RFTN1: variants seen among roughly 807,000 people sequenced by gnomAD.
The protein encoded by RFTN1 is raftlin.
A neutral mutation model predicts 46.5 loss-of-function variants in RFTN1; 26 were observed. The observed-to-expected ratio is 0.56, with a 90% confidence interval of 0.41 to 0.78. The LOEUF (loss-of-function observed/expected upper bound fraction) is 0.78. Ranked by LOEUF, RFTN1 falls within the 30% of genes least tolerant of loss-of-function variation. The probability of loss-of-function intolerance (pLI) is 0.00; values close to 1 mark genes in which losing one functional copy is unlikely to be tolerated. For missense variants in RFTN1, 693 were observed against 718.7 expected (o/e 0.96, Z 0.41); for synonymous variants, 261 against 284.2 (o/e 0.92, Z 0.82).
intron 1 of RFTN1, among the ~76,000 whole-genome samples, chr3:16,494,274 G>C (rs574110826): frequency 6.6e-6 from 1 of 152,142 alleles, no homozygotes; most frequent in Non-Finnish European, 1.5e-5. Flanking sequence ...TAAAAAACAA[G>C]AGATGTGTCA....
intron 4 of RFTN1, among the ~76,000 whole-genome samples, chr3:16,408,831 T>C (rs1363695657): frequency 6.6e-6 from 1 of 151,378 alleles, no homozygotes; most frequent in East Asian, 1.9e-4. Flanking sequence ...TCAGCCCCAA[T>C]TTGGGGCTAG....
intron 1 of RFTN1, among the ~76,000 whole-genome samples, chr3:16,510,923 A>G (rs977301730): frequency 6.6e-6 from 1 of 152,262 alleles, no homozygotes; most frequent in Non-Finnish European, 1.5e-5. Flanking sequence ...AGAATATACA[A>G]ACAAACTGTG....
intron 2 of RFTN1, among the ~76,000 whole-genome samples, chr3:16,485,526 G>A (rs1575358139): frequency 1.3e-5 from 2 of 152,230 alleles, no homozygotes; most frequent in Admixed American, 6.5e-5. Context: ...ATTAGGCTGA[G>A]TTAAAGAAGC....
chr3:16,474,819 C>T lies in RFTN1; in HGVS notation c.145+18906G>A, dbSNP rs2076255625. ...TTGGACTCTTTCGGGACAAAGAATA[C>T]AAGCTGCATCAGTTCTATTTCTTCC... On this transcript the variant is annotated intron_variant, in intron 2 of 9. Transcript: ENST00000334133. The surrounding 1 kb of genome is among the most constrained non-coding windows in gnomAD (Gnocchi z 5.5). Among the ~76,000 whole-genome samples, 4 of 152,212 alleles carry T rather than the reference C, an allele frequency of 2.6e-5. No individual in the cohort carries two copies. The South Asian group carries it at 8.3e-4, about 31-fold the overall frequency.
In RFTN1 at chr3:16,381,152, A is replaced by C. The variant is rs2073978777; in HGVS notation, c.442-3050T>G. 6.6e-6 allele frequency among the ~76,000 whole-genome samples: 1 copy of C among 152,232 alleles called. No homozygotes were observed. The highest frequency in any genetic ancestry group is 6.5e-5 in the Admixed American group (1 of 15,286). ...ATAAAAAGTCAAGATTCTAAACTTC[A>C]TACACTTTATTATGACAACTATGTA... is the stretch of plus-strand genomic sequence containing the variant. On this transcript the variant is annotated intron_variant, in intron 4 of 9. Transcript: ENST00000334133. This position sits in a 1 kb window ranked among gnomAD's most constrained non-coding sequence, Gnocchi z 4.2.
rs1222305511 is a variant in RFTN1 at position 16,440,619 on chromosome 3, G to C, written c.146-6582C>G. 6.6e-6 allele frequency among the ~76,000 whole-genome samples: 1 copy of C among 152,008 alleles called. No homozygotes were observed. Among genetic ancestry groups the C allele is most frequent in the Non-Finnish European group, 1.5e-5 (1 of 68,006 alleles). ...GGAAAATAAAGTAAACAAGAGACAT[G>C]AGCCAGGGGGACAGCAATGAACACC... On this transcript the variant is annotated intron_variant, in intron 2 of 9. Transcript: ENST00000334133. The surrounding 1 kb of genome is among the most constrained non-coding windows in gnomAD (Gnocchi z 4.6).
In RFTN1 at chr3:16,486,523, T is replaced by A. The variant is rs573691034; in HGVS notation, c.145+7202A>T. On this transcript the variant is annotated intron_variant, in intron 2 of 9. Coordinates refer to ENST00000334133, the MANE Select transcript of RFTN1 (RefSeq NM_015150.2). Reference sequence around the variant, plus strand: ...TTGATCCCTCCCACAAGTTGTCTCCTCTTCGTGAAAAGATTATCTGCTTCC... The same window carrying A: ...TTGATCCCTCCCACAAGTTGTCTCCACTTCGTGAAAAGATTATCTGCTTCC... Among the ~76,000 whole-genome samples the A allele has an allele frequency of 2.1e-3, 318 of 152,318 alleles. 2 individuals are homozygous for A. Among genetic ancestry groups the A allele is most frequent in the African/African-American group, 7.3e-3 (305 of 41,580 alleles).
chr3:16,506,699 G>A lies in RFTN1; in HGVS notation c.-9+6743C>T, dbSNP rs529942434. On this transcript the variant is annotated intron_variant, in intron 1 of 9. Transcript: ENST00000334133. The surrounding 1 kb of genome is among the most constrained non-coding windows in gnomAD (Gnocchi z 4.8). ...CCCAAGCAGAGGTATGCAGTAGGCC[G>A]CTGGATGTACCATTTCGAGTTCAGA... Among the ~76,000 whole-genome samples the A allele has an allele frequency of 4.6e-5, 7 of 151,912 alleles. No homozygotes were observed. The highest frequency in any genetic ancestry group is 5.9e-5 in the Non-Finnish European group (4 of 67,990).
rs1472249977 is a variant in RFTN1 at position 16,422,481 on chromosome 3, A to T, written c.332+11370T>A. Among the ~76,000 whole-genome samples, 2 of 152,006 alleles carry T rather than the reference A, an allele frequency of 1.3e-5. No homozygotes were observed. Among genetic ancestry groups the T allele is most frequent in the African/African-American group, 4.8e-5 (2 of 41,386 alleles). The stretch of plus-strand genomic sequence containing the variant: ...CCGTTTCTACTAAAAATACAAAAAA[A>T]TTAGCTGGGCGTGGTGGCACGTGCC... On this transcript the variant is annotated intron_variant, in intron 3 of 9. Transcript: ENST00000334133. This position sits in a 1 kb window ranked among gnomAD's most constrained non-coding sequence, Gnocchi z 4.6.
rs2075014820 is a variant in RFTN1 at position 16,413,592 on chromosome 3, G to T, written c.333-4109C>A. 6.6e-6 allele frequency among the ~76,000 whole-genome samples: 1 copy of T among 152,122 alleles called. No individual in the cohort carries two copies. The highest frequency in any genetic ancestry group is 1.5e-5 in the Non-Finnish European group (1 of 68,026). On this transcript the variant is annotated intron_variant, in intron 3 of 9. Coordinates refer to ENST00000334133, the MANE Select transcript of RFTN1 (RefSeq NM_015150.2). The surrounding 1 kb of genome is among the most constrained non-coding windows in gnomAD (Gnocchi z 4.7). ...ACTTTTGGAAAGGACAGAGAGATCTGGTTTTAAACAGTAAGAAAAAGAAAA... is the reference window on the plus strand; with the variant it reads ...ACTTTTGGAAAGGACAGAGAGATCTTGTTTTAAACAGTAAGAAAAAGAAAA...
intron 1 of RFTN1, among the ~76,000 whole-genome samples, chr3:16,508,657 C>T (rs1244756018): frequency 6.6e-6 from 1 of 151,352 alleles, no homozygotes; most frequent in Non-Finnish European, 1.5e-5. Flanking sequence ...AAACGTATGT[C>T]AAAAACTGAA....
chr3:16,344,267 G>GGA lies in RFTN1; in HGVS notation c.1146+13664_1146+13665insTC, dbSNP rs1275949045. 4.6e-5 allele frequency among the ~76,000 whole-genome samples: 7 copies of GGA among 151,966 alleles called. No homozygotes were observed. The highest frequency in any genetic ancestry group is 3.4e-3 in the Middle Eastern group (1 of 290). ...ATACTAAGAAGTAACAGATTGGAAGGGGTTTAAGAAGTCAGGGAAACCTAC... is the reference window on the plus strand; with the variant it reads ...ATACTAAGAAGTAACAGATTGGAAGGGAGGTTTAAGAAGTCAGGGAAACCTAC... On this transcript the variant is annotated intron_variant, in intron 7 of 9. Transcript: ENST00000334133. The surrounding 1 kb of genome is among the most constrained non-coding windows in gnomAD (Gnocchi z 4.4).
intron 2 of RFTN1, among the ~76,000 whole-genome samples, chr3:16,438,530 A>G (rs1055253302): frequency 9.9e-5 from 13 of 131,386 alleles, no homozygotes; most frequent in African/African-American, 3.4e-4. Flanking sequence ...GGTTGCAGTG[A>G]GCTGAAATCG....
rs2076250424 is a variant in RFTN1, at chr3:16,474,482, A to G, written c.145+19243T>C. On this transcript the variant is annotated intron_variant, in intron 2 of 9. Transcript: ENST00000334133. This position sits in a 1 kb window ranked among gnomAD's most constrained non-coding sequence, Gnocchi z 5.5. ...CCAAGATAAACAAAGGCTGACCATGAGAAAGATACCAGTACACCCCCAGGA... is the reference window on the plus strand; with the variant it reads ...CCAAGATAAACAAAGGCTGACCATGGGAAAGATACCAGTACACCCCCAGGA... 6.6e-6 allele frequency among the ~76,000 whole-genome samples: 1 copy of G among 152,210 alleles called. No homozygotes were observed. The highest frequency in any genetic ancestry group is 1.5e-5 in the Non-Finnish European group (1 of 68,040).
Position 16,334,047 on chromosome 3 carries a change from C to G in RFTN1, c.1147-7171G>C, listed in dbSNP as rs1477107515. ...GGGCATGGTGGCGGGTGCCTGTAGT[C>G]CCAGCTACTTGGGAGGCTGAGGCAG... On this transcript the variant is annotated intron_variant, in intron 7 of 9. Coordinates refer to ENST00000334133, the MANE Select transcript of RFTN1 (RefSeq NM_015150.2). The surrounding 1 kb of genome is among the most constrained non-coding windows in gnomAD (Gnocchi z 4.3). Among the ~76,000 whole-genome samples, 1 of 152,112 alleles carries G rather than the reference C, an allele frequency of 6.6e-6. No individual in the cohort carries two copies. The highest frequency in any genetic ancestry group is 1.9e-4 in the East Asian group (1 of 5,184).
At chr3:16,333,239 G>T (rs541636462) in intron 7 of RFTN1, among the ~76,000 whole-genome samples, 1 of 152,172 alleles carries the variant, frequency 6.6e-6, no homozygotes, top group East Asian at 1.9e-4. Flanking sequence ...GGCACTATGT[G>T]TACCACAAAA....
rs941145371 is a variant in RFTN1 at position 16,327,369 on chromosome 3, C to T, written c.1147-493G>A. 5.9e-5 allele frequency among the ~76,000 whole-genome samples: 9 copies of T among 152,170 alleles called. No homozygotes were observed. The highest frequency in any genetic ancestry group is 2.2e-4 in the African/African-American group (9 of 41,432). ...GTGTGTACACGCAGAAGCTGCTTTG[C>T]CTGTGTTATGTGCCCTGCCTTGCAG... On this transcript the variant is annotated intron_variant, in intron 7 of 9. Transcript: ENST00000334133. The surrounding 1 kb of genome is among the most constrained non-coding windows in gnomAD (Gnocchi z 4.2).
intron 3 of RFTN1, among the ~76,000 whole-genome samples, chr3:16,411,538 C>G (rs1211917150): frequency 6.6e-6 from 1 of 152,104 alleles, no homozygotes; most frequent in Non-Finnish European, 1.5e-5. Context: ...AAACTAATCC[C>G]AAAAGAATAA....
chr3:16,383,147 TTCGCTCTGAGTA>T lies in RFTN1; in HGVS notation c.442-5057_442-5046del, dbSNP rs1317963982. Among the ~76,000 whole-genome samples the T allele has an allele frequency of 6.6e-6, 1 of 152,152 alleles. No homozygotes were observed. Among genetic ancestry groups the T allele is most frequent in the Non-Finnish European group, 1.5e-5 (1 of 68,024 alleles). Reference sequence around the variant, plus strand: ...GAACTACCCAAAGCCATGCCTGGCTTTCGCTCTGAGTATCCTAAGCCCAACCTGATGCCTCTT... The same window carrying T: ...GAACTACCCAAAGCCATGCCTGGCTTTCCTAAGCCCAACCTGATGCCTCTT... On this transcript the variant is annotated intron_variant, in intron 4 of 9. Transcript: ENST00000334133. This position sits in a 1 kb window ranked among gnomAD's most constrained non-coding sequence, Gnocchi z 4.0.
Sources: gnomAD v4.1 joint callset for allele counts (sites outside exome capture counted in the v4.1 genomes callset) on GRCh38, gnomAD v4.1.1 for gene constraint, Gnocchi (gnomAD v3.1) non-coding constraint, MANE v1.5 for transcripts, NCBI Gene and HGNC (gene_info 2026-07-23, HGNC 2026-07-21) for gene names.